FRMD4B: variants seen among roughly 807,000 people sequenced by gnomAD.
The protein encoded by FRMD4B is FERM domain-containing protein 4B.
Under a neutral mutation model 141.5 loss-of-function variants are expected in FRMD4B, and 74 were observed. That is an observed-to-expected ratio of 0.52 (90% CI 0.43 to 0.63). FRMD4B has a LOEUF of 0.63. Ranked by LOEUF, FRMD4B falls within the 30% of genes least tolerant of loss-of-function variation. The pLI, the probability that FRMD4B is intolerant of heterozygous loss-of-function variation, is 0.00. For missense variants in FRMD4B, 1,366 were observed against 1,253.4 expected, an observed-to-expected ratio of 1.09 and a Z score of -1.36; for synonymous variants, 506 against 467.9, an observed-to-expected ratio of 1.08 and a Z score of -1.05.
At chr3:69,418,890 A>C (rs1704922616) in intron 2 of FRMD4B, among the ~76,000 whole-genome samples, 1 of 152,084 alleles carries the variant, frequency 6.6e-6, no homozygotes, top group Non-Finnish European at 1.5e-5. Context: ...TATGTTGTTT[A>C]AGCTGCTAAA....
At chr3:69,475,035 A>T (rs979111475) in intron 1 of FRMD4B, among the ~76,000 whole-genome samples, 3 of 152,154 alleles carry the variant, frequency 2.0e-5, no homozygotes, top group African/African-American at 7.2e-5. Flanking sequence ...TACACAATAC[A>T]TAGCAACGTG....
intron 7 of FRMD4B, chr3:69,228,702 A>T: frequency 3.1e-6 from 1 of 326,786 alleles, no homozygotes; most frequent in Admixed American, 3.9e-5. Flanking sequence ...GCCAGGTGTC[A>T]TGGCATGTGC....
rs73835777 is a variant in FRMD4B at position 69,196,136 on chromosome 3, T to C, written c.1234+119A>G. ...TTCAAAGCTGTCGCATACATACTTA[T>C]TGACATACTTATTTATTCCCAAAAT... On this transcript the variant is annotated intron_variant, in intron 14 of 22. Transcript: ENST00000398540. 0.022 allele frequency: 16,888 copies of C among 775,436 alleles called. 945 individuals are homozygous for C. The highest frequency in any genetic ancestry group is 0.17 in the African/African-American group (9,484 of 56,412). The allele number at this position is 775,436 out of a possible 1,614,324, so 48.0% of individuals were successfully genotyped here.
At chr3:69,330,796 C>T (rs1378535731) in intron 1 of FRMD4B, among the ~76,000 whole-genome samples, 1 of 152,172 alleles carries the variant, frequency 6.6e-6, no homozygotes, top group African/African-American at 2.4e-5. Flanking sequence ...CACGCCCGGC[C>T]TCTTTTGCCG....
rs557546830 is a variant in FRMD4B, at chr3:69,318,385, T to C, written c.163-4868A>G. 2.0e-3 allele frequency among the ~76,000 whole-genome samples: 298 copies of C among 152,292 alleles called. 1 individual carries two copies. The highest frequency in any genetic ancestry group is 0.01 in the Middle Eastern group (3 of 294). ...TAGACTCTCCAAATGATGTCATTAA[T>C]ACGAGAAAGTCATCTACTCATAATC... On this transcript the variant is annotated intron_variant, in intron 1 of 22. Transcript: ENST00000398540.
intron 1 of FRMD4B, among the ~76,000 whole-genome samples, chr3:69,362,546 G>A (rs1417151418): frequency 2.6e-5 from 4 of 152,048 alleles, no homozygotes; most frequent in Admixed American, 6.6e-5. Flanking sequence ...GCACGGTGGC[G>A]CATGCCTGTA....
At chr3:69,202,444 T>C (rs1246602428) in intron 11 of FRMD4B, among the ~76,000 whole-genome samples, 3 of 150,586 alleles carry the variant, frequency 2.0e-5, no homozygotes, top group Non-Finnish European at 4.4e-5. Flanking sequence ...GAAAAATGTA[T>C]TTTGCCCAAG....
At chr3:69,331,067 C>A (rs1039569349) in intron 1 of FRMD4B, among the ~76,000 whole-genome samples, 1 of 152,206 alleles carries the variant, frequency 6.6e-6, no homozygotes, top group African/African-American at 2.4e-5. Context: ...TCAACCAACA[C>A]TTGAGGCTGT....
chr3:69,176,637 A>G lies in FRMD4B; in HGVS notation c.2871T>C (p.Ser957=), dbSNP rs2107574914. ...TGGTTAACTGGGTCCTCCAGTTCCC[A>G]GAAGCATTTGTAGAAGACACTGGAA... ...SYSSVSSTNA[S]GNWRTQLTIG... is the part of the protein sequence containing the mutation. Residue 957 remains serine, a synonymous_variant, in exon 22 of 23, where the codon TCT becomes TCC. Coordinates refer to ENST00000398540, the MANE Select transcript of FRMD4B (RefSeq NM_015123.3). The G allele has an allele frequency of 6.2e-7, 1 of 1,603,710 alleles. No individual in the cohort carries two copies. The highest frequency in any genetic ancestry group is 1.1e-5 in the South Asian group (1 of 90,822).
Position 69,206,252 on chromosome 3 carries a change from AG to A in FRMD4B, c.877-7479del, listed in dbSNP as rs1477340465. Among the ~76,000 whole-genome samples, 3 of 152,188 alleles carry A rather than the reference AG, an allele frequency of 2.0e-5. No homozygotes were observed. In the South Asian group the frequency reaches 6.2e-4, roughly 32 times the overall value. On this transcript the variant is annotated intron_variant, in intron 11 of 22. Coordinates refer to ENST00000398540, the MANE Select transcript of FRMD4B (RefSeq NM_015123.3). ...GTAGTCCCAGCTACTCGGGAGGCTG[AG>A]GCAGGAAAATTGCTTGAACACAGGA...
chr3:69,265,640 G>T (rs1271747551), intron 5 of FRMD4B, among the ~76,000 whole-genome samples: 3 of 151,294 alleles, frequency 2.0e-5, no homozygotes, highest in African/African-American at 7.3e-5. Context: ...GTAGTGACGG[G>T]GTTTCACTGT....
intron 5 of FRMD4B, among the ~76,000 whole-genome samples, chr3:69,285,567 G>A (rs1187351723): frequency 6.6e-6 from 1 of 152,150 alleles, no homozygotes; most frequent in Non-Finnish European, 1.5e-5. Context: ...AGCAGGCCAG[G>A]CACAGTGGCT....
intron 1 of FRMD4B, among the ~76,000 whole-genome samples, chr3:69,457,434 G>C (rs1207695770): frequency 2.0e-5 from 3 of 152,164 alleles, no homozygotes; most frequent in Non-Finnish European, 4.4e-5. Context: ...ATTGAAGATA[G>C]AGAAAATAAA....
chr3:69,385,768 G>C, intron 1 of FRMD4B, 60 bp downstream of exon 1: 1 of 1,391,570 alleles, frequency 7.2e-7, no homozygotes, highest in African/African-American at 1.5e-5. Context: ...GGTGGAGCCT[G>C]CTTCCCACGA....
chr3:69,470,007 G>C (rs1283635553), intron 1 of FRMD4B, among the ~76,000 whole-genome samples: 2 of 152,104 alleles, frequency 1.3e-5, no homozygotes, highest in Non-Finnish European at 2.9e-5. Flanking sequence ...CTAGTTCAGA[G>C]GTTTGTTGAA....
At chr3:69,337,413 A>C (rs1473210915) in intron 1 of FRMD4B, among the ~76,000 whole-genome samples, 5 of 152,240 alleles carry the variant, frequency 3.3e-5, no homozygotes, top group South Asian at 2.1e-4. Flanking sequence ...CTTCATGTCT[A>C]AAACACCAAA....
At chr3:69,203,264 T>C (rs1429724739) in intron 11 of FRMD4B, among the ~76,000 whole-genome samples, 1 of 130,460 alleles carries the variant, frequency 7.7e-6, no homozygotes, top group Non-Finnish European at 1.5e-5. Flanking sequence ...CTGTTCCCTG[T>C]CCCACCCCAC....
intron 1 of FRMD4B, chr3:69,472,168 C>G: frequency 4.1e-6 from 1 of 245,924 alleles, no homozygotes; most frequent in South Asian, 6.7e-5. Flanking sequence ...AGTAACTTCA[C>G]TTCCAAAAAC....
Position 69,302,505 on chromosome 3 carries a change from C to A in FRMD4B, c.324-70G>T. 3.2e-6 allele frequency: 3 copies of A among 933,650 alleles called. No homozygotes were observed. The East Asian group carries it at 7.8e-5, about 24-fold the overall frequency. The allele number at this position is 933,650 out of a possible 1,614,324, so 57.8% of individuals were successfully genotyped here. A position where few individuals can be genotyped will look rare whatever the true frequency, so the allele number is the denominator to read the frequency against. On this transcript the variant is annotated intron_variant, in intron 3 of 22. Coordinates refer to ENST00000398540, the MANE Select transcript of FRMD4B (RefSeq NM_015123.3). The stretch of plus-strand genomic sequence containing the variant: ...AAAGTTCAACAACGTACAGTGTTGG[C>A]AAAGCTGTGGCGAAATAGTTGCTCT...
Sources: allele counts gnomAD v4.1 joint callset (sites outside exome capture counted in the v4.1 genomes callset), GRCh38; gene constraint gnomAD v4.1.1; transcripts MANE v1.5; gene names NCBI Gene and HGNC (gene_info 2026-07-23, HGNC 2026-07-21).